Variants in CDKL5 observed in about 807,000 individuals in gnomAD.
CDKL5 encodes the protein cyclin dependent kinase like 5, also known as cyclin-dependent kinase-like 5.
In CDKL5, 8 loss-of-function variants were observed where a neutral mutation model predicts 61.7. The ratio of observed to expected loss-of-function variants is 0.13; its 90% CI spans 0.08 to 0.23. The LOEUF (loss-of-function observed/expected upper bound fraction) is 0.23, where lower values mean the gene tolerates loss of function less well. CDKL5 is among the 10% of genes least tolerant of loss of function. The pLI, the probability that CDKL5 is intolerant of heterozygous loss-of-function variation, is 1.00. For synonymous variants in CDKL5, 275 were observed against 272.3 expected (o/e 1.01, Z -0.10); for missense variants, 440 against 734.5 (o/e 0.60, Z 4.63).
At chrX:18,611,430 G>A (rs1359008083) in intron 14 of CDKL5, among the ~76,000 whole-genome samples, 2 of 93,598 alleles carry the variant, frequency 2.1e-5, no homozygotes, top group Admixed American at 1.2e-4. Flanking sequence ...GCAAGACTCC[G>A]TCTCAAAACA....
At position 18,551,337 on chromosome X, in the gene CDKL5, C is replaced by T. The variant is rs1667516014; in HGVS notation, c.100-13140C>T. On this transcript the variant is annotated intron_variant, in intron 3 of 17. Transcript: ENST00000623535. ...TGTAAACTAGCCCTCTTAGTTCATT[C>T]TTTGGCATTATCAGCCAGCGTCCCT... Among the ~76,000 whole-genome samples the T allele has an allele frequency of 2.7e-5, 3 of 109,424 alleles. No homozygotes were observed. The South Asian group carries it at 1.2e-3, about 43-fold the overall frequency.
intron 11 of CDKL5, among the ~76,000 whole-genome samples, chrX:18,600,408 A>C (rs947821658): frequency 4.5e-5 from 5 of 111,911 alleles, no homozygotes; most frequent in Admixed American, 9.5e-5. Flanking sequence ...GGTGCAAATT[A>C]GTCCTGTGTC....
In CDKL5 at chrX:18,636,148, C is replaced by T. The variant is rs985874443; in HGVS notation, c.*7391C>T. On this transcript the variant is annotated 3_prime_UTR_variant, in exon 18 of 18. Transcript: ENST00000623535. ...TAAACAAAGGGTAGGAGCTGAAAGT[C>T]AGTGCTCTCCATTCTTAAAAGTCCT... The T allele has an allele frequency of 9.1e-6, 1 of 110,488 alleles. No individual in the cohort carries two copies. The highest frequency in any genetic ancestry group is 1.9e-5 in the Non-Finnish European group (1 of 52,890). 9.1% of individuals were successfully genotyped at this position (110,488 alleles called of 1,213,427 possible).
At chrX:18,430,686 C>G (rs962318491) in intron 1 of CDKL5, among the ~76,000 whole-genome samples, 2 of 110,140 alleles carry the variant, frequency 1.8e-5, no homozygotes, top group Admixed American at 2.0e-4. Context: ...CTCAGACAGT[C>G]CCCCCGCTTC....
chrX:18,506,923 TG>T lies in CDKL5; in HGVS notation c.-162-11del. On this transcript the variant is annotated splice_polypyrimidine_tract_variant and intron_variant, in intron 1 of 17. Coordinates refer to ENST00000623535, the MANE Select transcript of CDKL5 (RefSeq NM_001323289.2). The stretch of plus-strand genomic sequence containing the variant: ...AAAACTTACAGCTTTTAATTGTGTT[TG>T]TTTTTTTCAGGGAGTCATTTAATAC... The T allele has an allele frequency of 2.3e-6, 1 of 438,935 alleles. No homozygotes were observed. Among genetic ancestry groups the T allele is most frequent in the Non-Finnish European group, 4.0e-6 (1 of 249,771 alleles). The allele number at this position is 438,935 out of a possible 1,213,427, so 36.2% of individuals were successfully genotyped here. A position where few individuals can be genotyped will look rare whatever the true frequency, so the allele number is the denominator to read the frequency against.
intron 1 of CDKL5, among the ~76,000 whole-genome samples, chrX:18,494,783 C>A (rs779507739): frequency 5.3e-4 from 60 of 112,259 alleles, no homozygotes; most frequent in African/African-American, 1.7e-3. Context: ...GTGTATAACT[C>A]ATGATAATCA....
intron 1 of CDKL5, among the ~76,000 whole-genome samples, chrX:18,481,348 C>G (rs1377826740): frequency 5.0e-5 from 5 of 100,763 alleles, no homozygotes; most frequent in Non-Finnish European, 9.9e-5. Context: ...TTCTTTCTTT[C>G]TTTCTTTCTT....
intron 3 of CDKL5, among the ~76,000 whole-genome samples, chrX:18,524,942 A>C (rs1923375833): frequency 9.0e-6 from 1 of 111,030 alleles, no homozygotes; most frequent in Non-Finnish European, 1.9e-5. Flanking sequence ...TTTGTTTTAG[A>C]GATGGGGTCT....
Position 18,633,499 on chromosome X carries a change from A to C in CDKL5, c.*4742A>C, listed in dbSNP as rs964490973. Reference sequence around the variant, plus strand: ...CCAGAAACCAAACTTGTAAGCAGTTACAATTTCTTCCTTTTGCTTCTTGAC... The same window carrying C: ...CCAGAAACCAAACTTGTAAGCAGTTCCAATTTCTTCCTTTTGCTTCTTGAC... On this transcript the variant is annotated 3_prime_UTR_variant, in exon 18 of 18. Coordinates refer to ENST00000623535, the MANE Select transcript of CDKL5 (RefSeq NM_001323289.2). The C allele has an allele frequency of 4.0e-6, 3 of 753,209 alleles. No individual in the cohort carries two copies. The African/African-American group carries it at 6.9e-5, about 17-fold the overall frequency. 62.1% of individuals were successfully genotyped at this position (753,209 alleles called of 1,213,427 possible).
chrX:18,483,610 C>T (rs770854216), intron 1 of CDKL5, among the ~76,000 whole-genome samples: 6 of 108,943 alleles, frequency 5.5e-5, no homozygotes, highest in South Asian at 4.1e-4. Flanking sequence ...TTAGTAGAGA[C>T]GGGGTTTCAC....
At chrX:18,506,794 A>C (rs1922594069) in intron 1 of CDKL5, 141 bp from the exon 2 acceptor site, 1 of 227,627 alleles carries the variant, frequency 4.4e-6, no homozygotes, top group Admixed American at 6.6e-5. Context: ...CTTCGCTCCT[A>C]TTACTGTTGG....
In CDKL5 at chrX:18,581,914, A is replaced by G. The variant is rs746608623; in HGVS notation, c.427A>G (p.Ile143Val). 2 of 1,198,894 alleles carry G rather than the reference A, an allele frequency of 1.7e-6. No individual in the cohort carries two copies. Among genetic ancestry groups the G allele is most frequent in the Non-Finnish European group, 2.3e-6 (2 of 884,678 alleles). The change falls in exon 7 of 18, where the codon ATC (isoleucine) becomes GTC (valine). Residue 143 changes from isoleucine (I) to valine (V), a missense_variant. Transcript: ENST00000623535. ...HRDIKPENLLISHNDVLKLCD... is the reference protein window; with the variant it reads ...HRDIKPENLLVSHNDVLKLCD... ...AGATATAAAACCAGAAAATCTCTTA[A>G]TCAGCCACAATGATGTCCTAAAACT...
At chrX:18,621,005 G>A (rs1194921002) in intron 16 of CDKL5, among the ~76,000 whole-genome samples, 1 of 112,343 alleles carries the variant, frequency 8.9e-6, no homozygotes, top group Non-Finnish European at 1.9e-5. Context: ...CTCCCAAAGT[G>A]CTAGGCATGA....
chrX:18,564,454 C>T (rs373777040), intron 3 of CDKL5, 23 bp from the exon 4 acceptor site: 93 of 1,147,184 alleles, frequency 8.1e-5, no homozygotes, highest in Non-Finnish European at 1.1e-4. Flanking sequence ...AATGACTTTC[C>T]TTCTGCTTCT....
intron 3 of CDKL5, among the ~76,000 whole-genome samples, chrX:18,551,457 T>C (rs911266851): frequency 9.2e-6 from 1 of 109,090 alleles, no homozygotes; most frequent in African/African-American, 3.3e-5. Flanking sequence ...ATCAATTAAG[T>C]GGTCCAAGGC....
chrX:18,509,245 A>ACC (rs1555940263), intron 2 of CDKL5, among the ~76,000 whole-genome samples: 1,620 of 95,321 alleles, frequency 0.017, 36 homozygotes, highest in Admixed American at 0.055. Flanking sequence ...ACACACACAC[A>ACC]CCCCTGTCAA....
At chrX:18,553,100 A>G (rs1435316575) in intron 3 of CDKL5, among the ~76,000 whole-genome samples, 1 of 111,116 alleles carries the variant, frequency 9.0e-6, no homozygotes, top group Non-Finnish European at 1.9e-5. Flanking sequence ...CAGTGGACCC[A>G]TTTGAAAACA....
chrX:18,446,293 G>C (rs192118871), intron 1 of CDKL5, among the ~76,000 whole-genome samples: 219 of 108,603 alleles, frequency 2.0e-3, no homozygotes, highest in Non-Finnish European at 3.8e-3. Flanking sequence ...GTTGCAGTCC[G>C]TGAGCTGAGA....
chrX:18,522,335 C>CT (rs369618121), intron 3 of CDKL5, among the ~76,000 whole-genome samples: 622 of 37,502 alleles, frequency 0.017, 216 homozygotes, highest in Middle Eastern at 0.023. Context: ...CAGGCTGGAG[C>CT]TTTTTTTTTT....
Sources: gnomAD v4.1 joint callset for allele counts (sites outside exome capture counted in the v4.1 genomes callset) on GRCh38, gnomAD v4.1.1 for gene constraint, MANE v1.5 for transcripts, NCBI Gene and HGNC (gene_info 2026-07-23, HGNC 2026-07-21) for gene names.